The following HHAT variants were observed in gnomAD, a reference collection of about 807,000 sequenced individuals.
HHAT encodes protein-cysteine N-palmitoyltransferase HHAT.
Under a neutral mutation model 70.8 loss-of-function variants are expected in HHAT, and 47 were observed. The observed-to-expected ratio is 0.66, with a 90% CI of 0.53 to 0.85. HHAT has a LOEUF of 0.85. Ranked by LOEUF, HHAT falls within the 40% of genes least tolerant of loss-of-function variation. The pLI, the probability that HHAT is intolerant of heterozygous loss-of-function variation, is 0.00. For synonymous variants in HHAT, 228 were observed against 247.6 expected, an observed-to-expected ratio of 0.92 and a Z score of 0.74; for missense variants, 609 against 604.8, an observed-to-expected ratio of 1.01 and a Z score of -0.07.
chr1:210,446,621 C>A (rs536507663), intron 7 of HHAT, among the ~76,000 whole-genome samples: 4 of 152,192 alleles, frequency 2.6e-5, no homozygotes, highest in African/African-American at 9.6e-5. Flanking sequence ...CCTCTGTGCT[C>A]CTGCACTGTG....
At position 210,600,170 on chromosome 1, in the gene HHAT, A is replaced by G. The variant is rs552156653; in HGVS notation, c.1245+12071A>G. Among the ~76,000 whole-genome samples, 5 of 152,320 alleles carry G rather than the reference A, an allele frequency of 3.3e-5. No homozygotes were observed. The South Asian group carries it at 1.0e-3, about 32-fold the overall frequency. Reference sequence around the variant, plus strand: ...TGCTATATTTATCACAGTTGAAATGAAATTTTTGACATAATTTATTCCCTC... The same window carrying G: ...TGCTATATTTATCACAGTTGAAATGGAATTTTTGACATAATTTATTCCCTC... On this transcript the variant is annotated intron_variant, in intron 10 of 11. Coordinates refer to ENST00000261458, the MANE Select transcript of HHAT (RefSeq NM_018194.6).
At chr1:210,527,247 CGTCAGG>C (rs2095261396) in intron 9 of HHAT, among the ~76,000 whole-genome samples, 1 of 152,062 alleles carries the variant, frequency 6.6e-6, no homozygotes, top group African/African-American at 2.4e-5. Flanking sequence ...CCCCTGGAAG[CGTCAGG>C]TGCTCCCTTG....
chr1:210,470,770 T>C (rs541318067), intron 8 of HHAT, among the ~76,000 whole-genome samples: 1 of 152,212 alleles, frequency 6.6e-6, no homozygotes. Flanking sequence ...CACCAGAACA[T>C]AGTGTTTGAG....
At chr1:210,640,298 G>A (rs1466125725) in intron 11 of HHAT, among the ~76,000 whole-genome samples, 6 of 152,178 alleles carry the variant, frequency 3.9e-5, no homozygotes, top group Non-Finnish European at 8.8e-5. Flanking sequence ...GAAACATACT[G>A]TTTGATATTA....
chr1:210,533,500 G>A (rs1329249467), intron 9 of HHAT, among the ~76,000 whole-genome samples: 1 of 152,184 alleles, frequency 6.6e-6, no homozygotes, highest in African/African-American at 2.4e-5. Context: ...CTTATGTCTG[G>A]AGATGGTCTT....
At chr1:210,494,507 G>A (rs1192183551) in intron 8 of HHAT, among the ~76,000 whole-genome samples, 1 of 145,356 alleles carries the variant, frequency 6.9e-6, no homozygotes, top group Admixed American at 7.0e-5. Flanking sequence ...AGGAGGAGAT[G>A]CAAGTGGGGA....
At chr1:210,456,075 C>G (rs532846472) in intron 7 of HHAT, among the ~76,000 whole-genome samples, 79 of 152,278 alleles carry the variant, frequency 5.2e-4, no homozygotes, top group South Asian at 2.7e-3. Flanking sequence ...TGTTTGGCTG[C>G]TGTCCCTCCA....
chr1:210,457,698 T>C (rs369918174), intron 7 of HHAT, among the ~76,000 whole-genome samples: 3 of 152,202 alleles, frequency 2.0e-5, no homozygotes, highest in South Asian at 2.1e-4. Flanking sequence ...ATTCTTTCTG[T>C]TGCTCATGAA....
At chr1:210,555,452 G>A (rs1214035934) in intron 9 of HHAT, among the ~76,000 whole-genome samples, 1 of 152,216 alleles carries the variant, frequency 6.6e-6, no homozygotes, top group Non-Finnish European at 1.5e-5. Flanking sequence ...ACAAGACTGG[G>A]AAGTCCTGGA....
Position 210,390,521 on chromosome 1 carries a change from G to T in HHAT, c.273+2940G>T, listed in dbSNP as rs111499115. On this transcript the variant is annotated intron_variant, in intron 4 of 11. Transcript: ENST00000261458. ...GTAGGGAGAGATTTTTTTTCTTTCA[G>T]TAGTTTTCGGGGTACAGGTGGTTTT... Among the ~76,000 whole-genome samples the T allele has an allele frequency of 8.0e-3, 1,218 of 152,136 alleles. 8 individuals carry two copies. The highest frequency in any genetic ancestry group is 0.019 in the South Asian group (90 of 4,820).
intron 7 of HHAT, among the ~76,000 whole-genome samples, chr1:210,428,383 T>C (rs773999167): frequency 1.1e-4 from 16 of 146,966 alleles, no homozygotes; most frequent in Non-Finnish European, 2.2e-4. Flanking sequence ...TTAAATGATC[T>C]CTATCCTTTC....
chr1:210,546,502 G>A (rs1177685702), intron 9 of HHAT, among the ~76,000 whole-genome samples: 1 of 152,218 alleles, frequency 6.6e-6, no homozygotes, highest in Non-Finnish European at 1.5e-5. Flanking sequence ...TGGAAAGATG[G>A]TGGTCCAGTG....
intron 7 of HHAT, among the ~76,000 whole-genome samples, chr1:210,457,571 G>A (rs1258157672): frequency 1.3e-5 from 2 of 152,104 alleles, no homozygotes; most frequent in Non-Finnish European, 2.9e-5. Context: ...TGACACACAC[G>A]ATGAGATTCG....
chr1:210,347,531 C>T (rs74466330), intron 1 of HHAT, among the ~76,000 whole-genome samples: 4,175 of 152,204 alleles, frequency 0.027, 180 homozygotes, highest in African/African-American at 0.09. Context: ...GCCATAAATG[C>T]GTTTAAATTT....
chr1:210,404,485 A>C lies in HHAT; in HGVS notation c.490A>C (p.Asn164His). 2 of 1,612,348 alleles carry C rather than the reference A, an allele frequency of 1.2e-6. No individual in the cohort carries two copies. Among genetic ancestry groups the C allele is most frequent in the Non-Finnish European group, 1.7e-6 (2 of 1,179,750 alleles). The change falls in exon 6 of 12, where the codon AAC becomes CAC. Residue 164 changes from asparagine to histidine, a missense_variant. Coordinates refer to ENST00000261458, the MANE Select transcript of HHAT (RefSeq NM_018194.6). ...GTAGAGAAGGTGGTACAAGACAGAAAACGAGTACTACCTGCTGCAGTTCAC... is the reference window on the plus strand; with the variant it reads ...GTAGAGAAGGTGGTACAAGACAGAACACGAGTACTACCTGCTGCAGTTCAC... ...EVKRRWYKTENEYYLLQFTLT... is the reference protein window; with the variant it reads ...EVKRRWYKTEHEYYLLQFTLT...
chr1:210,645,059 C>G (rs1474336130), intron 11 of HHAT, among the ~76,000 whole-genome samples: 1 of 152,038 alleles, frequency 6.6e-6, no homozygotes, highest in African/African-American at 2.4e-5. Flanking sequence ...TATATTTAGT[C>G]CTCACAAAAT....
At chr1:210,559,231 T>TTC (rs1183837137) in intron 9 of HHAT, among the ~76,000 whole-genome samples, 1 of 152,228 alleles carries the variant, frequency 6.6e-6, no homozygotes, top group African/African-American at 2.4e-5. Context: ...TATTTACCTA[T>TTC]TCATTTGCTT....
chr1:210,484,033 T>C (rs1464089202), intron 8 of HHAT, among the ~76,000 whole-genome samples: 1 of 152,188 alleles, frequency 6.6e-6, no homozygotes, highest in African/African-American at 2.4e-5. Flanking sequence ...GGTTTTATTT[T>C]TGCAAGCCTC....
chr1:210,584,544 C>T (rs1261880789), intron 9 of HHAT, among the ~76,000 whole-genome samples: 1 of 152,058 alleles, frequency 6.6e-6, no homozygotes, highest in Non-Finnish European at 1.5e-5. Flanking sequence ...ACCAAGCAGC[C>T]TCTGGGGGGC....
Sources: gnomAD v4.1 joint callset for allele counts (sites outside exome capture counted in the v4.1 genomes callset) on GRCh38, gnomAD v4.1.1 for gene constraint, MANE v1.5 for transcripts, NCBI Gene and HGNC (gene_info 2026-07-23, HGNC 2026-07-21) for gene names.